The following SIN3B variants were observed in gnomAD, a reference collection of about 807,000 sequenced individuals.
SIN3B encodes the protein SIN3 transcription regulator family member B, also known as paired amphipathic helix protein Sin3b.
Under a neutral mutation model 120.2 loss-of-function variants are expected in SIN3B, and 19 were observed. That is an observed-to-expected ratio of 0.16 (90% CI 0.11 to 0.23). The LOEUF (loss-of-function observed/expected upper bound fraction) is 0.23. Among genes scored for constraint, SIN3B ranks in the 10% least tolerant of loss-of-function variants. SIN3B has a pLI of 1.00. For missense variants in SIN3B, 1,073 were observed against 1,573.0 expected (o/e 0.68, Z 5.38); for synonymous variants, 654 against 653.2 (o/e 1.00, Z -0.02).
rs796529979 is a variant in SIN3B, at chr19:16,844,747, G to A, written c.583-2223G>A. On this transcript the variant is annotated intron_variant, in intron 4 of 18. Coordinates refer to ENST00000248054, the MANE Select transcript of SIN3B (RefSeq NM_001297595.2). ...GCCGTTACGCGCATATTAAGTGGCC[G>A]AGAATTACATGAATGCCACAGCAAA... is the stretch of plus-strand genomic sequence containing the variant. 9.2e-5 allele frequency among the ~76,000 whole-genome samples: 14 copies of A among 152,346 alleles called. 1 individual carries two copies. Among genetic ancestry groups the A allele is most frequent in the African/African-American group, 2.2e-4 (9 of 41,582 alleles).
At chr19:16,868,479 G>C (rs1377539695) in intron 12 of SIN3B, among the ~76,000 whole-genome samples, 1 of 152,244 alleles carries the variant, frequency 6.6e-6, no homozygotes, top group Admixed American at 6.5e-5. Flanking sequence ...CAGGACAGTG[G>C]TGTGGGAGGC....
intron 3 of SIN3B, among the ~76,000 whole-genome samples, chr19:16,832,628 G>A (rs1971294433): frequency 6.6e-6 from 1 of 151,222 alleles, no homozygotes; most frequent in South Asian, 2.1e-4. Context: ...AGCCTCCTAA[G>A]TAGCTAGGAC....
In SIN3B at chr19:16,876,319, G is replaced by A; in HGVS notation, c.2766+91G>A. 1.4e-6 allele frequency: 2 copies of A among 1,471,292 alleles called. No homozygotes were observed. The highest frequency in any genetic ancestry group is 1.8e-6 in the Non-Finnish European group (2 of 1,086,024). 91.1% of individuals were successfully genotyped at this position (1,471,292 alleles called of 1,614,324 possible). A position where few individuals can be genotyped will look rare whatever the true frequency, so the allele number is the denominator to read the frequency against. ...GTCCTGGGTGGACCCTGGTTCAGCG[G>A]CTGGGACACCGGCCCTGCTGCAGAG... is the stretch of plus-strand genomic sequence containing the variant. On this transcript the variant is annotated intron_variant, in intron 15 of 18. Transcript: ENST00000248054. This position sits in a 1 kb window ranked among gnomAD's most constrained non-coding sequence, Gnocchi z 7.1.
At chr19:16,863,334 T>TCACCGA in intron 9 of SIN3B, 3 of 254,240 alleles carry the variant, frequency 1.2e-5, no homozygotes, top group East Asian at 6.0e-5. Flanking sequence ...AGTGTAACAA[T>TCACCGA]GATCTACACA....
chr19:16,854,073 C>A, intron 7 of SIN3B, 70 bp from the exon 8 acceptor site: 1 of 1,184,050 alleles, frequency 8.4e-7, no homozygotes, highest in Non-Finnish European at 1.2e-6. Context: ...TGTGGCTGAC[C>A]TACAAGTGAG....
intron 4 of SIN3B, chr19:16,846,396 C>T (rs1174362636): frequency 1.3e-5 from 2 of 152,252 alleles, no homozygotes; most frequent in Admixed American, 6.5e-5. Flanking sequence ...CGGGAGGCTC[C>T]GGTGCTATTG....
At position 16,862,804 on chromosome 19, in the gene SIN3B, T is replaced by C. The variant is rs527576724; in HGVS notation, c.1266+245T>C. On this transcript the variant is annotated intron_variant, in intron 9 of 18. Coordinates refer to ENST00000248054, the MANE Select transcript of SIN3B (RefSeq NM_001297595.2). This position sits in a 1 kb window ranked among gnomAD's most constrained non-coding sequence, Gnocchi z 4.7. ...GATAACGTGGAGTTCGGCTTATTCA[T>C]CTGTTATTTGACTTAGGTTTATTGC... 642 of 1,185,254 alleles carry C rather than the reference T, an allele frequency of 5.4e-4. No homozygotes were observed. The highest frequency in any genetic ancestry group is 7.6e-4 in the Non-Finnish European group (608 of 794,928). 73.4% of individuals were successfully genotyped at this position (1,185,254 alleles called of 1,614,324 possible).
At chr19:16,870,208 A>G in intron 13 of SIN3B, 133 bp downstream of exon 13, 14 of 1,125,636 alleles carry the variant, frequency 1.2e-5, no homozygotes, top group Non-Finnish European at 1.7e-5. Flanking sequence ...TTCAAATGGG[A>G]AATTGCAAAC....
chr19:16,836,515 G>A (rs1419156904), intron 3 of SIN3B, among the ~76,000 whole-genome samples: 1 of 152,112 alleles, frequency 6.6e-6, no homozygotes, highest in Non-Finnish European at 1.5e-5. Flanking sequence ...ATTTCAAAAC[G>A]GCTAGGAAAA....
rs750477702 is a variant in SIN3B at position 16,878,334 on chromosome 19, A to G, written c.3106A>G (p.Ile1036Val). Residue 1036 changes from isoleucine (I) to valine (V), a missense_variant, in exon 18 of 19, where the codon ATC becomes GTC. Physicochemically the swap from Ile to Val is conservative, Grantham distance 29. This residue lies in a region of SIN3B where 311 missense variants were observed against 400.3 expected (regional missense o/e 0.78). Transcript: ENST00000248054. ...FKLSTHKMVF[I>V]VNSEDYMYRR... ...GCTCAGCACTCACAAGATGGTGTTCATCGTGAACTCCGAGGACTACATGTA... is the reference window on the plus strand; with the variant it reads ...GCTCAGCACTCACAAGATGGTGTTCGTCGTGAACTCCGAGGACTACATGTA... The G allele has an allele frequency of 1.9e-6, 3 of 1,612,614 alleles. No homozygotes were observed. The highest frequency in any genetic ancestry group is 2.2e-5 in the East Asian group (1 of 44,850).
chr19:16,837,509 G>C (rs1202787246), intron 3 of SIN3B, among the ~76,000 whole-genome samples: 2 of 152,036 alleles, frequency 1.3e-5, no homozygotes, highest in African/African-American at 4.8e-5. Context: ...GATGGGGACA[G>C]AGGTGGACAG....
Position 16,851,417 on chromosome 19 carries a change from A to G in SIN3B, c.732A>G (p.Thr244=). ...CCTCCCACATGTGTCCTTAGTTCACAGGAAACGGGCCGTGCGAGATGCACA... is the reference window on the plus strand; with the variant it reads ...CCTCCCACATGTGTCCTTAGTTCACGGGAAACGGGCCGTGCGAGATGCACA... ...FLPEAKRSLF[T]GNGPCEMHSV... Residue 244 remains threonine (T), a synonymous_variant, in exon 6 of 19, where the codon ACA becomes ACG. Transcript: ENST00000248054. The G allele has an allele frequency of 6.2e-7, 1 of 1,600,246 alleles. No individual in the cohort carries two copies. The highest frequency in any genetic ancestry group is 8.5e-7 in the Non-Finnish European group (1 of 1,173,450).
chr19:16,875,027 T>TTGGTC (rs1216546028), intron 14 of SIN3B, among the ~76,000 whole-genome samples: 1 of 151,116 alleles, frequency 6.6e-6, no homozygotes, highest in Admixed American at 6.6e-5. Flanking sequence ...TTGGTCTGGT[T>TTGGTC]TGGTCTGGTC....
chr19:16,851,318 G>A (rs967971908), intron 5 of SIN3B, 94 bp from the exon 6 acceptor site: 8 of 1,437,204 alleles, frequency 5.6e-6, no homozygotes, highest in Admixed American at 2.6e-5. Flanking sequence ...ATTGCCCACC[G>A]GGCTGTGGGC....
chr19:16,865,224 G>T, intron 10 of SIN3B, 186 bp from the exon 11 acceptor site: 1 of 576,524 alleles, frequency 1.7e-6, no homozygotes, highest in Admixed American at 3.0e-5. Flanking sequence ...AGCCCAGGAG[G>T]TTGAGGCTGC....
chr19:16,859,078 G>C (rs938093852), intron 8 of SIN3B, among the ~76,000 whole-genome samples: 2 of 152,136 alleles, frequency 1.3e-5, no homozygotes, highest in Non-Finnish European at 2.9e-5. Flanking sequence ...TTGAGTTTTC[G>C]AGGCAGAGGT....
rs10528185 is a variant in SIN3B at position 16,832,191 on chromosome 19, CTTTTTTTTTTT to C, written c.381+557_381+567del. Reference sequence around the variant, plus strand: ...TTCTTGGGTGATAGGTGCTGGCCCTCTTTTTTTTTTTTTTTTTTTTTTTGGAGACGGAGTCT... The same window carrying C: ...TTCTTGGGTGATAGGTGCTGGCCCTCTTTTTTTTTTTTGGAGACGGAGTCT... On this transcript the variant is annotated intron_variant, in intron 3 of 18. Transcript: ENST00000248054. Among the ~76,000 whole-genome samples the C allele has an allele frequency of 3.2e-5, 4 of 125,468 alleles. No homozygotes were observed. The East Asian group carries it at 7.3e-4, about 23-fold the overall frequency. The allele number at this position is 125,468 out of a possible 152,430, so 82.3% of individuals were successfully genotyped here. A position where few individuals can be genotyped will look rare whatever the true frequency, so the allele number is the denominator to read the frequency against.
intron 3 of SIN3B, among the ~76,000 whole-genome samples, chr19:16,836,888 T>C (rs1456039764): frequency 1.3e-5 from 2 of 152,184 alleles, no homozygotes; most frequent in African/African-American, 4.8e-5. Flanking sequence ...TCGATTCTTG[T>C]GTTTGTATCT....
In SIN3B at chr19:16,870,551, A is replaced by G. The variant is rs55968827; in HGVS notation, c.2422+476A>G. 9.3e-3 allele frequency among the ~76,000 whole-genome samples: 1,359 copies of G among 146,442 alleles called. 23 individuals carry two copies. Among genetic ancestry groups the G allele is most frequent in the African/African-American group, 0.033 (1,289 of 39,620 alleles). On this transcript the variant is annotated intron_variant, in intron 13 of 18. Transcript: ENST00000248054. ...AGGCGCTCACCACCATGCCTGGCTC[A>G]TTTTTTGTATTTCTTTTTTGAAATG...
Sources: gnomAD v4.1 joint callset for allele counts (sites outside exome capture counted in the v4.1 genomes callset) on GRCh38, gnomAD v4.1.1 for gene constraint, gnomAD v4.1.1 regional missense constraint, Gnocchi (gnomAD v3.1) non-coding constraint, MANE v1.5 for transcripts, NCBI Gene and HGNC (gene_info 2026-07-23, HGNC 2026-07-21) for gene names.